PACS1: variants seen among roughly 807,000 people sequenced by gnomAD.
PACS1 encodes phosphofurin acidic cluster sorting protein 1, also known as PACS-1.
PACS1 carries 24 observed loss-of-function variants against 115.0 expected under a neutral mutation model. That is an observed-to-expected ratio of 0.21 (90% confidence interval 0.15 to 0.29). The LOEUF is 0.29. PACS1 is among the 10% of genes least tolerant of loss of function. PACS1 has a pLI of 1.00. For missense variants in PACS1, 838 were observed against 1,251.2 expected (o/e 0.67, Z 4.98); for synonymous variants, 453 against 504.5 (o/e 0.90, Z 1.37).
At chr11:66,084,515 G>A (rs975804035) in intron 1 of PACS1, among the ~76,000 whole-genome samples, 1 of 152,002 alleles carries the variant, frequency 6.6e-6, no homozygotes, top group African/African-American at 2.4e-5. Context: ...TGTGGAAGCA[G>A]GGAGTCCGGT....
chr11:66,211,156 A>T lies in PACS1; in HGVS notation c.557A>T (p.Asp186Val). 1 of 1,613,836 alleles carries T rather than the reference A, an allele frequency of 6.2e-7. No individual in the cohort carries two copies. Among genetic ancestry groups the T allele is most frequent in the South Asian group, 1.1e-5 (1 of 91,080 alleles). The change falls in exon 4 of 24, where the codon GAT becomes GTT. Residue 186 changes from aspartate (D) to valine (V), a missense_variant. Physicochemically the swap from Asp to Val is radical, Grantham distance 152. This residue lies in a region of PACS1 where 223 missense variants were observed against 354.0 expected (regional missense o/e 0.63). Transcript: ENST00000320580. ...SLQYPHFLKR[D>V]ANKLQIMLQR... ...TAGTACCCTCATTTCCTTAAGCGAG[A>T]TGCCAACAAGCTGCAGATCATGCTG...
intron 1 of PACS1, among the ~76,000 whole-genome samples, chr11:66,137,270 G>GTA (rs1858868304): frequency 6.6e-6 from 1 of 152,128 alleles, no homozygotes. Context: ...GTTTGTGTGT[G>GTA]TGTGTGTGTA....
intron 2 of PACS1, among the ~76,000 whole-genome samples, chr11:66,202,754 T>A (rs1184557705): frequency 0.45 from 13,646 of 30,052 alleles, 3,553 homozygotes; most frequent in South Asian, 0.56. Context: ...TATATATATA[T>A]ATATATATAT....
chr11:66,174,189 A>G (rs907606113), intron 1 of PACS1, among the ~76,000 whole-genome samples: 2 of 152,244 alleles, frequency 1.3e-5, no homozygotes, highest in Non-Finnish European at 2.9e-5. Context: ...TTAAAACCAC[A>G]TTAAATAAAA....
chr11:66,113,591 T>A (rs980155731), intron 1 of PACS1, among the ~76,000 whole-genome samples: 4 of 152,216 alleles, frequency 2.6e-5, no homozygotes, highest in Non-Finnish European at 5.9e-5. Flanking sequence ...GAGTATATTT[T>A]AAACTCTCAG....
In PACS1 at chr11:66,131,150, C is replaced by T. The variant is rs375853306; in HGVS notation, c.356+60308C>T. On this transcript the variant is annotated intron_variant, in intron 1 of 23. Transcript: ENST00000320580. ...CTTACGAACTTGTACAAGAGTTTCT[C>T]TGGCTAAATACCAACAAGTATCATT... is the stretch of plus-strand genomic sequence containing the variant. Among the ~76,000 whole-genome samples the T allele has an allele frequency of 2.7e-4, 41 of 152,276 alleles. No homozygotes were observed. In the East Asian group the frequency reaches 6.9e-3, roughly 26 times the overall value.
intron 22 of PACS1, among the ~76,000 whole-genome samples, chr11:66,242,373 G>A (rs923973381): frequency 6.6e-6 from 1 of 152,220 alleles, no homozygotes; most frequent in Non-Finnish European, 1.5e-5. Context: ...CCCCTGGGGG[G>A]TCAGGCATGG....
At position 66,236,850 on chromosome 11, in the gene PACS1, C is replaced by T. The variant is rs750292881; in HGVS notation, c.2250+910C>T. On this transcript the variant is annotated intron_variant, in intron 19 of 23. Transcript: ENST00000320580. This position sits in a 1 kb window ranked among gnomAD's most constrained non-coding sequence, Gnocchi z 4.2. ...AATCTCAGCTCACTGCAACCTCTGCCTCCTGGGTTCAAGTGATCCTCCTGC... is the reference window on the plus strand; with the variant it reads ...AATCTCAGCTCACTGCAACCTCTGCTTCCTGGGTTCAAGTGATCCTCCTGC... 6.6e-6 allele frequency among the ~76,000 whole-genome samples: 1 copy of T among 152,166 alleles called. No individual in the cohort carries two copies. The highest frequency in any genetic ancestry group is 1.5e-5 in the Non-Finnish European group (1 of 68,034).
intron 2 of PACS1, among the ~76,000 whole-genome samples, chr11:66,200,149 A>G (rs773827330): frequency 5.9e-5 from 9 of 152,184 alleles, no homozygotes; most frequent in Non-Finnish European, 1.0e-4. Flanking sequence ...CAGGGGTTTG[A>G]GACCAGCTTG....
At chr11:66,149,103 T>C (rs1859183497) in intron 1 of PACS1, among the ~76,000 whole-genome samples, 1 of 149,762 alleles carries the variant, frequency 6.7e-6, no homozygotes, top group African/African-American at 2.5e-5. Flanking sequence ...TTTTTTTTTT[T>C]TTTTTTTTTG....
intron 1 of PACS1, among the ~76,000 whole-genome samples, chr11:66,110,990 G>A (rs1858175246): frequency 2.0e-5 from 3 of 152,256 alleles, no homozygotes; most frequent in Non-Finnish European, 4.4e-5. Context: ...ATCCTGGTAC[G>A]CTGCTAGAGG....
chr11:66,241,690 C>T (rs773576007), intron 22 of PACS1, 37 bp downstream of exon 22: 6 of 1,521,328 alleles, frequency 3.9e-6, no homozygotes, highest in Admixed American at 1.7e-5. Flanking sequence ...CCATGGGCCA[C>T]CAGGCCTCCC....
intron 1 of PACS1, among the ~76,000 whole-genome samples, chr11:66,111,390 A>G (rs528988474): frequency 6.6e-6 from 1 of 152,310 alleles, no homozygotes; most frequent in Admixed American, 6.5e-5. Context: ...TCTTAGCTTC[A>G]GGTACTATTT....
At chr11:66,228,258 T>G (rs2134730681) in intron 11 of PACS1, among the ~76,000 whole-genome samples, 1 of 151,928 alleles carries the variant, frequency 6.6e-6, no homozygotes, top group Admixed American at 6.5e-5. Flanking sequence ...GGCAGGACCC[T>G]TGTGGGGAAG....
At chr11:66,079,351 TAAAA>T (rs35212412) in intron 1 of PACS1, among the ~76,000 whole-genome samples, 1 of 131,650 alleles carries the variant, frequency 7.6e-6, no homozygotes, top group South Asian at 2.4e-4. Flanking sequence ...AAGGTCTGGG[TAAAA>T]AAAAAAAAAG....
At position 66,070,732 on chromosome 11, in the gene PACS1, G is replaced by A. The variant is rs563612549; in HGVS notation, c.246G>A (p.Ser82=). 32 of 1,566,478 alleles carry A rather than the reference G, an allele frequency of 2.0e-5. No homozygotes were observed. The Admixed American group carries it at 3.9e-4, about 19-fold the overall frequency. The change falls in exon 1 of 24, where the codon TCG becomes TCA. Residue 82 remains serine (S), a synonymous_variant. Coordinates refer to ENST00000320580, the MANE Select transcript of PACS1 (RefSeq NM_018026.4). This position sits in a 1 kb window ranked among gnomAD's most constrained non-coding sequence, Gnocchi z 5.9. ...TSTSMAVAVA[S]GSAPPGGPGP... ...CCTCCATGGCCGTGGCGGTGGCCTC[G>A]GGCTCCGCGCCTCCCGGTGGCCCGG...
At chr11:66,205,055 G>A (rs1590817484) in intron 2 of PACS1, among the ~76,000 whole-genome samples, 1 of 152,010 alleles carries the variant, frequency 6.6e-6, no homozygotes, top group East Asian at 1.9e-4. Context: ...CGCAATCTCA[G>A]CTCACTGCAA....
At chr11:66,218,859 T>TAA (rs142576194) in intron 7 of PACS1, among the ~76,000 whole-genome samples, 2 of 129,408 alleles carry the variant, frequency 1.5e-5, no homozygotes, top group Non-Finnish European at 1.6e-5. Flanking sequence ...ACTCCATCTC[T>TAA]AAAAAAAAAA....
rs559289440 is a variant in PACS1, at chr11:66,228,422, A to G, written c.1374+838A>G. On this transcript the variant is annotated intron_variant, in intron 11 of 23. Coordinates refer to ENST00000320580, the MANE Select transcript of PACS1 (RefSeq NM_018026.4). ...GATCTTATGTATTTAGGCTTGATTC[A>G]AGATTAATTTGAAACTCACTACCCT... Among the ~76,000 whole-genome samples the G allele has an allele frequency of 4.6e-5, 7 of 152,316 alleles. No individual in the cohort carries two copies. The South Asian group carries it at 8.3e-4, about 18-fold the overall frequency.
Sources: gnomAD v4.1 joint callset for allele counts (sites outside exome capture counted in the v4.1 genomes callset) on GRCh38, gnomAD v4.1.1 for gene constraint, gnomAD v4.1.1 regional missense constraint, Gnocchi (gnomAD v3.1) non-coding constraint, MANE v1.5 for transcripts, NCBI Gene and HGNC (gene_info 2026-07-23, HGNC 2026-07-21) for gene names.